Variants in TENM2 observed in about 807,000 individuals in gnomAD.
TENM2 encodes the protein teneurin-2.
Under a neutral mutation model 245.2 loss-of-function variants are expected in TENM2, and 52 were observed. The ratio of observed to expected loss-of-function variants is 0.21; its 90% CI spans 0.17 to 0.27. TENM2 has a LOEUF of 0.27. Ranked by LOEUF, TENM2 falls within the 10% of genes least tolerant of loss-of-function variation. The pLI, the probability that TENM2 is intolerant of heterozygous loss-of-function variation, is 1.00. For synonymous variants in TENM2, 1,363 were observed against 1,438.9 expected, an observed-to-expected ratio of 0.95 and a Z score of 1.19; for missense variants, 3,046 against 3,666.8, an observed-to-expected ratio of 0.83 and a Z score of 4.37.
chr5:167,544,870 G>A (rs1772451873), intron 2 of TENM2, among the ~76,000 whole-genome samples: 1 of 152,148 alleles, frequency 6.6e-6, no homozygotes, highest in Non-Finnish European at 1.5e-5. Flanking sequence ...TGTGTAATTG[G>A]GGAATAGAAT....
chr5:168,128,211 C>T (rs916574449), intron 12 of TENM2, among the ~76,000 whole-genome samples: 4 of 152,332 alleles, frequency 2.6e-5, no homozygotes, highest in Admixed American at 6.5e-5. Context: ...TGCAATCTCT[C>T]GATGACGCTC....
chr5:167,478,085 G>A (rs1186402659), intron 2 of TENM2, among the ~76,000 whole-genome samples: 1 of 152,306 alleles, frequency 6.6e-6, no homozygotes, highest in Non-Finnish European at 1.5e-5. Flanking sequence ...CTCAAACTGG[G>A]AAGAGCGAAA....
chr5:167,294,977 T>G (rs927989941), intron 1 of TENM2, among the ~76,000 whole-genome samples: 1 of 152,218 alleles, frequency 6.6e-6, no homozygotes, highest in Non-Finnish European at 1.5e-5. Context: ...CTCTGAATTT[T>G]TATAGCCCTT....
intron 7 of TENM2, among the ~76,000 whole-genome samples, chr5:168,070,198 C>G (rs1176233313): frequency 6.6e-6 from 1 of 152,166 alleles, no homozygotes; most frequent in Non-Finnish European, 1.5e-5. Flanking sequence ...GAAATGTGTG[C>G]TTACATGTTT....
intron 2 of TENM2, among the ~76,000 whole-genome samples, chr5:167,436,990 G>A (rs1764598509): frequency 6.6e-6 from 1 of 152,284 alleles, no homozygotes; most frequent in East Asian, 1.9e-4. Context: ...GTGTAGAAGG[G>A]ATATATGGGG....
chr5:167,680,871 T>C (rs746054410), intron 2 of TENM2, among the ~76,000 whole-genome samples: 10 of 152,204 alleles, frequency 6.6e-5, no homozygotes, highest in Non-Finnish European at 1.0e-4. Flanking sequence ...GCTTAACACA[T>C]TTTAAGTGCT....
chr5:167,265,608 C>T, the TENM2 span, among the ~76,000 whole-genome samples: 1 of 152,068 alleles, frequency 6.6e-6, no homozygotes, highest in Non-Finnish European at 1.5e-5. Flanking sequence ...AACCATTGTA[C>T]ACAGGCCTCT....
rs1453543518 is a variant in TENM2, at chr5:167,858,707, A to G, written c.503-17279A>G. Among the ~76,000 whole-genome samples the G allele has an allele frequency of 2.7e-3, 396 of 147,000 alleles. 1 individual carries two copies. Among genetic ancestry groups the G allele is most frequent in the Middle Eastern group, 7.6e-3 (2 of 264 alleles). The stretch of plus-strand genomic sequence containing the variant: ...CGGGCACCAGCTGCAGATATGAAGC[A>G]GAGCCGCTGCCGCGACCGACCGCAG... On this transcript the variant is annotated intron_variant, in intron 2 of 28. Coordinates refer to ENST00000518659, the Ensembl canonical transcript of TENM2.
chr5:167,935,491 G>A (rs1192158048), intron 3 of TENM2, among the ~76,000 whole-genome samples: 1 of 152,182 alleles, frequency 6.6e-6, no homozygotes, highest in Non-Finnish European at 1.5e-5. Context: ...CTAATGAACC[G>A]TTATTGCAAC....
intron 2 of TENM2, among the ~76,000 whole-genome samples, chr5:167,440,406 C>T (rs574469423): frequency 2.0e-5 from 3 of 151,918 alleles, no homozygotes; most frequent in Non-Finnish European, 2.9e-5. Context: ...CCTGGATCCC[C>T]GCATTGAAAA....
intron 2 of TENM2, among the ~76,000 whole-genome samples, chr5:167,835,688 G>T (rs934752652): frequency 6.6e-6 from 1 of 151,990 alleles, no homozygotes; most frequent in African/African-American, 2.4e-5. Flanking sequence ...ATATTCCTAG[G>T]GGTAATGGAA....
At chr5:168,077,819 G>T (rs1350875370) in intron 7 of TENM2, among the ~76,000 whole-genome samples, 1 of 152,158 alleles carries the variant, frequency 6.6e-6, no homozygotes, top group Non-Finnish European at 1.5e-5. Context: ...TCTTAAACCA[G>T]TCTATCATTG....
At chr5:167,312,412 G>C (rs1756089993) in intron 1 of TENM2, among the ~76,000 whole-genome samples, 1 of 152,132 alleles carries the variant, frequency 6.6e-6, no homozygotes, top group Non-Finnish European at 1.5e-5. Flanking sequence ...ATATTGCTTA[G>C]AGTTCATGTC....
chr5:167,861,477 C>G (rs558312217), intron 2 of TENM2, among the ~76,000 whole-genome samples: 1 of 152,192 alleles, frequency 6.6e-6, no homozygotes. Flanking sequence ...AAGAGCCAAG[C>G]CTTACATCGT....
intron 1 of TENM2, among the ~76,000 whole-genome samples, chr5:167,326,772 A>C (rs1757113032): frequency 6.7e-6 from 1 of 149,982 alleles, no homozygotes; most frequent in Admixed American, 6.7e-5. Flanking sequence ...TATTGGGGAA[A>C]ACCCCAAAGT....
At chr5:167,267,080 TCAC>T in the TENM2 span, among the ~76,000 whole-genome samples, 2 of 152,254 alleles carry the variant, frequency 1.3e-5, no homozygotes, top group East Asian at 3.9e-4. Context: ...TGTATTTGAG[TCAC>T]CATAGAGAAT....
intron 13 of TENM2, among the ~76,000 whole-genome samples, chr5:168,167,598 A>G (rs1373455929): frequency 6.6e-6 from 1 of 152,190 alleles, no homozygotes; most frequent in Admixed American, 6.5e-5. Flanking sequence ...GTCACCCCGC[A>G]TCACTTTCTT....
At chr5:168,225,186 G>A (rs1394708839) in intron 23 of TENM2, among the ~76,000 whole-genome samples, 3 of 152,116 alleles carry the variant, frequency 2.0e-5, no homozygotes, top group Admixed American at 6.5e-5. Flanking sequence ...GTTTAGTGGG[G>A]ACCAAAGAAC....
rs1432727515 is a variant in TENM2 at position 167,897,887 on chromosome 5, A to ATTT, written c.712+21694_712+21695insTTT. Among the ~76,000 whole-genome samples the ATTT allele has an allele frequency of 6.0e-3, 823 of 136,766 alleles. 13 individuals are homozygous for ATTT. The highest frequency in any genetic ancestry group is 0.022 in the African/African-American group (799 of 36,662). 89.7% of individuals were successfully genotyped at this position (136,766 alleles called of 152,430 possible). On this transcript the variant is annotated intron_variant, in intron 3 of 28. Transcript: ENST00000518659. The stretch of plus-strand genomic sequence containing the variant: ...ATTTCAGTTGGGTAATCCGTAGTAA[A>ATTT]TTGTTTTTTTTTTTTTTTTTTTTGC...
Sources: allele counts gnomAD v4.1 joint callset (sites outside exome capture counted in the v4.1 genomes callset), GRCh38; gene constraint gnomAD v4.1.1; transcripts MANE v1.5; gene names NCBI Gene and HGNC (gene_info 2026-07-23, HGNC 2026-07-21).